STK32C: variants seen among roughly 807,000 people sequenced by gnomAD.
STK32C encodes the protein serine/threonine-protein kinase 32C.
In STK32C, 31 loss-of-function variants were observed where a neutral mutation model predicts 56.5. That is an observed-to-expected ratio of 0.55 (90% CI 0.41 to 0.74). The LOEUF is 0.74. STK32C is among the 30% of genes least tolerant of loss of function. STK32C has a pLI of 0.00. For synonymous variants in STK32C, 309 were observed against 289.4 expected (o/e 1.07, Z -0.69); for missense variants, 544 against 676.9 (o/e 0.80, Z 2.18).
chr10:132,285,666 A>C (rs937270440), intron 1 of STK32C, among the ~76,000 whole-genome samples: 3 of 152,254 alleles, frequency 2.0e-5, no homozygotes, highest in Admixed American at 6.5e-5. Flanking sequence ...ACCCAACAAC[A>C]ACCCAAAATA....
chr10:132,322,229 A>T (rs77471496), downstream of STK32C, among the ~76,000 whole-genome samples: 1 of 152,150 alleles, frequency 6.6e-6, no homozygotes, highest in Admixed American at 6.6e-5. Flanking sequence ...CTATTGGTTT[A>T]TATCTTTTTA....
chr10:132,258,100 C>A (rs2064186714), intron 1 of STK32C, among the ~76,000 whole-genome samples: 1 of 152,226 alleles, frequency 6.6e-6, no homozygotes, highest in Non-Finnish European at 1.5e-5. Flanking sequence ...GAGTGGCCCC[C>A]CAGGACCTCC....
intron 8 of STK32C, among the ~76,000 whole-genome samples, chr10:132,223,638 G>A (rs2062765059): frequency 6.6e-6 from 1 of 152,214 alleles, no homozygotes; most frequent in Admixed American, 6.5e-5. Flanking sequence ...TCTCGGGGCT[G>A]GGGAGAGGCC....
intron 1 of STK32C, among the ~76,000 whole-genome samples, chr10:132,254,287 C>CA (rs143515243): frequency 0.053 from 8,067 of 151,704 alleles, 557 homozygotes; most frequent in African/African-American, 0.16. Flanking sequence ...CCAGCCTGGG[C>CA]AAAAAGGGCG....
At position 132,280,837 on chromosome 10, in the gene STK32C, C is replaced by T. The variant is rs561330036; in HGVS notation, c.262+26735G>A. Among the ~76,000 whole-genome samples, 180 of 148,346 alleles carry T rather than the reference C, an allele frequency of 1.2e-3. 1 individual carries two copies. The highest frequency in any genetic ancestry group is 4.1e-3 in the African/African-American group (161 of 39,578). The stretch of plus-strand genomic sequence containing the variant: ...CCTGCGCTCCATGACCATGTCCCTG[C>T]ACTCCGTGATCACACTGAGGCCTCC... On this transcript the variant is annotated intron_variant, in intron 1 of 11. Coordinates refer to ENST00000298630, the MANE Select transcript of STK32C (RefSeq NM_173575.4).
intron 1 of STK32C, among the ~76,000 whole-genome samples, chr10:132,298,128 G>A (rs1028525859): frequency 3.3e-5 from 5 of 152,162 alleles, no homozygotes; most frequent in Non-Finnish European, 5.9e-5. Flanking sequence ...CTGCTCTCCC[G>A]GCCCCATGTC....
chr10:132,263,752 G>C (rs552279089), intron 1 of STK32C, among the ~76,000 whole-genome samples: 1 of 150,908 alleles, frequency 6.6e-6, no homozygotes. Context: ...TGTAATCCCA[G>C]CTACTCGGGA....
In STK32C at chr10:132,316,874, TG is replaced by T. The variant is rs570807202; in HGVS notation, c.301+14561del. ...ATTGAGACCATCTTGGCCAACATGA[TG>T]AAACCCCGACTCTAAAACTACAAAA... On this transcript the variant is annotated intron_variant, in intron 1 of 3. Transcript: ENST00000368620. Among the ~76,000 whole-genome samples the T allele has an allele frequency of 1.5e-3, 228 of 151,778 alleles. 1 individual carries two copies. Among genetic ancestry groups the T allele is most frequent in the African/African-American group, 5.2e-3 (214 of 41,372 alleles).
At chr10:132,246,526 T>A (rs532777873) in intron 1 of STK32C, among the ~76,000 whole-genome samples, 43 of 152,296 alleles carry the variant, frequency 2.8e-4, no homozygotes, top group Middle Eastern at 3.4e-3. Context: ...ATGTCCACCA[T>A]GACCTGTGTA....
chr10:132,291,032 A>G (rs1285568522), intron 1 of STK32C, among the ~76,000 whole-genome samples: 2 of 152,200 alleles, frequency 1.3e-5, no homozygotes, highest in South Asian at 4.1e-4. Flanking sequence ...CCTGCATTCG[A>G]TAACAGCCCT....
rs2062201052 is a variant in STK32C, at chr10:132,209,014, C to T, written c.1319+20G>A. The T allele has an allele frequency of 3.1e-6, 5 of 1,608,318 alleles. No individual in the cohort carries two copies. Among genetic ancestry groups the T allele is most frequent in the Non-Finnish European group, 4.3e-6 (5 of 1,175,256 alleles). On this transcript the variant is annotated intron_variant, in intron 11 of 11. Transcript: ENST00000298630. ...TTCCTCCTCTCTGCCACCACGCCCA[C>T]CCACCCCCAACACACTCACTTTTCT...
At chr10:132,308,884 G>A (rs954705265), upstream of STK32C, among the ~76,000 whole-genome samples, 2 of 152,192 alleles carry the variant, frequency 1.3e-5, no homozygotes, top group South Asian at 2.1e-4. Flanking sequence ...GAGAAGGCGC[G>A]GCTCTGCATG....
At chr10:132,242,272 G>A (rs1445566866) in intron 2 of STK32C, among the ~76,000 whole-genome samples, 2 of 152,130 alleles carry the variant, frequency 1.3e-5, no homozygotes, top group African/African-American at 4.8e-5. Context: ...GCTGCTGGGA[G>A]GAGGGCGGCT....
chr10:132,284,614 A>C (rs1024187432), intron 1 of STK32C, among the ~76,000 whole-genome samples: 2 of 152,180 alleles, frequency 1.3e-5, no homozygotes, highest in Non-Finnish European at 2.9e-5. Context: ...ACCTGCCCAA[A>C]GACCAGGCAT....
At chr10:132,248,199 A>G (rs561038616) in intron 1 of STK32C, among the ~76,000 whole-genome samples, 13 of 152,358 alleles carry the variant, frequency 8.5e-5, no homozygotes, top group Admixed American at 7.2e-4. Flanking sequence ...GCGTCACCCA[A>G]CGTCACCAGA....
At chr10:132,315,585 G>A (rs990385006) in intron 1 of STK32C, among the ~76,000 whole-genome samples, 2 of 152,102 alleles carry the variant, frequency 1.3e-5, no homozygotes, top group African/African-American at 4.8e-5. Context: ...CTTGACAACC[G>A]GAGAGAAAAA....
chr10:132,269,841 G>A (rs1433635234), intron 1 of STK32C, among the ~76,000 whole-genome samples: 1 of 152,222 alleles, frequency 6.6e-6, no homozygotes, highest in Non-Finnish European at 1.5e-5. Context: ...GTGTTGGGAG[G>A]AGGCGTTCAG....
intron 2 of STK32C, among the ~76,000 whole-genome samples, chr10:132,228,550 C>T (rs1448290596): frequency 6.6e-6 from 1 of 152,244 alleles, no homozygotes; most frequent in Non-Finnish European, 1.5e-5. Context: ...TAACAGCATC[C>T]AGGCGTGAGT....
In STK32C at chr10:132,207,793, G is replaced by A. The variant is rs1332592177; in HGVS notation, c.*217C>T. On this transcript the variant is annotated 3_prime_UTR_variant, in exon 12 of 12. Coordinates refer to ENST00000298630, the MANE Select transcript of STK32C (RefSeq NM_173575.4). ...TCCTCCATCTAGGCGGGTCTCGGGG[G>A]CCCACGGGAAATGCCCTCCACAGGT... The A allele has an allele frequency of 5.7e-6, 3 of 525,686 alleles. No homozygotes were observed. The highest frequency in any genetic ancestry group is 4.5e-5 in the Admixed American group (1 of 22,462). 32.6% of individuals were successfully genotyped at this position (525,686 alleles called of 1,614,324 possible).
Sources: allele counts gnomAD v4.1 joint callset (sites outside exome capture counted in the v4.1 genomes callset), GRCh38; gene constraint gnomAD v4.1.1; transcripts MANE v1.5; gene names NCBI Gene and HGNC (gene_info 2026-07-23, HGNC 2026-07-21).